Variants in NXPH1 observed in about 807,000 individuals in gnomAD.
NXPH1 encodes neurexophilin 1.
Under a neutral mutation model 23.7 loss-of-function variants are expected in NXPH1, and 5 were observed. That is an observed-to-expected ratio of 0.21 (90% CI 0.11 to 0.44). The LOEUF is 0.44. Among genes scored for constraint, NXPH1 ranks in the 20% least tolerant of loss-of-function variants. The pLI is 0.99. For synonymous variants in NXPH1, 144 were observed against 122.2 expected, an observed-to-expected ratio of 1.18 and a Z score of -1.18; for missense variants, 324 against 321.6, an observed-to-expected ratio of 1.01 and a Z score of -0.06.
intron 2 of NXPH1, among the ~76,000 whole-genome samples, chr7:8,708,354 A>G (rs1440325868): frequency 6.6e-6 from 1 of 151,680 alleles, no homozygotes; most frequent in Non-Finnish European, 1.5e-5. Context: ...TTTCTTTTTT[A>G]TTTTTTTAAA....
chr7:8,703,278 G>C (rs1040133464), intron 2 of NXPH1, among the ~76,000 whole-genome samples: 1 of 152,044 alleles, frequency 6.6e-6, no homozygotes, highest in East Asian at 1.9e-4. Flanking sequence ...TCAATACTTA[G>C]TCATGGTAGC....
At chr7:8,560,430 G>A (rs1818424376) in intron 2 of NXPH1, among the ~76,000 whole-genome samples, 1 of 151,736 alleles carries the variant, frequency 6.6e-6, no homozygotes, top group Non-Finnish European at 1.5e-5. Context: ...CAGACTGCAA[G>A]GGAGTATACT....
chr7:8,678,466 C>T (rs764106733), intron 2 of NXPH1, among the ~76,000 whole-genome samples: 2 of 152,092 alleles, frequency 1.3e-5, no homozygotes, highest in Non-Finnish European at 2.9e-5. Context: ...TTTGCATCTC[C>T]AGTGTTTTTC....
intron 2 of NXPH1, among the ~76,000 whole-genome samples, chr7:8,722,096 A>G (rs1318136956): frequency 6.6e-6 from 1 of 152,004 alleles, no homozygotes; most frequent in Non-Finnish European, 1.5e-5. Flanking sequence ...AGTACCAATG[A>G]TGTGGGTTAT....
intron 2 of NXPH1, among the ~76,000 whole-genome samples, chr7:8,683,224 A>G (rs1821086075): frequency 6.6e-6 from 1 of 152,234 alleles, no homozygotes; most frequent in African/African-American, 2.4e-5. Flanking sequence ...TCTTTTGCAT[A>G]AATGCATAGA....
chr7:8,673,292 G>A (rs1820898060), intron 2 of NXPH1, among the ~76,000 whole-genome samples: 1 of 152,092 alleles, frequency 6.6e-6, no homozygotes, highest in Non-Finnish European at 1.5e-5. Flanking sequence ...AACATAAACA[G>A]TTTCAATTAA....
At chr7:8,708,354 A>T (rs1440325868) in intron 2 of NXPH1, among the ~76,000 whole-genome samples, 1 of 151,680 alleles carries the variant, frequency 6.6e-6, no homozygotes, top group Non-Finnish European at 1.5e-5. Context: ...TTTCTTTTTT[A>T]TTTTTTTAAA....
chr7:8,617,002 A>G (rs1193671513), intron 2 of NXPH1, among the ~76,000 whole-genome samples: 1 of 152,086 alleles, frequency 6.6e-6, no homozygotes, highest in Non-Finnish European at 1.5e-5. Flanking sequence ...GTGGATAAGA[A>G]AGGAGCGGAT....
intron 2 of NXPH1, among the ~76,000 whole-genome samples, chr7:8,748,759 T>A (rs1294580729): frequency 6.6e-6 from 1 of 152,224 alleles, no homozygotes; most frequent in Non-Finnish European, 1.5e-5. Context: ...TTCAGGGTGC[T>A]GTCATGGGAT....
Position 8,442,425 on chromosome 7 carries a change from C to T in NXPH1, c.54+6658C>T, listed in dbSNP as rs1347748144. Among the ~76,000 whole-genome samples, 3 of 152,188 alleles carry T rather than the reference C, an allele frequency of 2.0e-5. No homozygotes were observed. Among genetic ancestry groups the T allele is most frequent in the Admixed American group, 6.5e-5 (1 of 15,284 alleles). ...CCCGCCGCCCTAATGGATTCTGAAG[C>T]GAAGGATCCTAGCTGCCGCGGCTAA... On this transcript the variant is annotated intron_variant, in intron 2 of 2. Coordinates refer to ENST00000405863, the MANE Select transcript of NXPH1 (RefSeq NM_152745.3). This position sits in a 1 kb window ranked among gnomAD's most constrained non-coding sequence, Gnocchi z 4.6.
At chr7:8,475,295 C>G (rs1287172757) in intron 2 of NXPH1, among the ~76,000 whole-genome samples, 1 of 151,982 alleles carries the variant, frequency 6.6e-6, no homozygotes, top group Non-Finnish European at 1.5e-5. Context: ...ATCTCAGGGA[C>G]TTTGTTTCCT....
chr7:8,604,908 T>G (rs978129686), intron 2 of NXPH1, among the ~76,000 whole-genome samples: 1 of 152,122 alleles, frequency 6.6e-6, no homozygotes, highest in Admixed American at 6.6e-5. Flanking sequence ...ATACACTGAG[T>G]ACTTCCAAAT....
chr7:8,639,926 G>A (rs1395611895), intron 2 of NXPH1, among the ~76,000 whole-genome samples: 2 of 152,126 alleles, frequency 1.3e-5, no homozygotes, highest in Non-Finnish European at 2.9e-5. Context: ...CTCAGTTTCA[G>A]GTATGTTGTT....
intron 2 of NXPH1, among the ~76,000 whole-genome samples, chr7:8,510,536 G>C (rs914777765): frequency 6.6e-5 from 10 of 152,008 alleles, no homozygotes; most frequent in African/African-American, 2.4e-4. Context: ...GGCCACAGGG[G>C]AAAGTAAAAT....
intron 2 of NXPH1, among the ~76,000 whole-genome samples, chr7:8,566,103 T>G (rs934127425): frequency 6.6e-6 from 1 of 151,794 alleles, no homozygotes; most frequent in African/African-American, 2.4e-5. Flanking sequence ...CTTATCCACT[T>G]TGCTTACCAA....
At chr7:8,497,582 T>A (rs1817358867) in intron 2 of NXPH1, among the ~76,000 whole-genome samples, 1 of 152,152 alleles carries the variant, frequency 6.6e-6, no homozygotes, top group Admixed American at 6.5e-5. Context: ...TATCTCATTG[T>A]GGTTTTGATT....
intron 2 of NXPH1, among the ~76,000 whole-genome samples, chr7:8,665,725 T>C (rs116842079): frequency 6.6e-6 from 1 of 151,974 alleles, no homozygotes; most frequent in Non-Finnish European, 1.5e-5. Context: ...ACAGATCTTT[T>C]ACCTTCTTAG....
At chr7:8,663,985 A>T (rs1820721302) in intron 2 of NXPH1, among the ~76,000 whole-genome samples, 1 of 151,930 alleles carries the variant, frequency 6.6e-6, no homozygotes, top group Admixed American at 6.6e-5. Context: ...TGTTTTGGGT[A>T]TTTCCACTCA....
At chr7:8,714,736 C>T (rs956101181) in intron 2 of NXPH1, among the ~76,000 whole-genome samples, 2 of 151,976 alleles carry the variant, frequency 1.3e-5, no homozygotes, top group Admixed American at 6.5e-5. Context: ...GAAATGTCAT[C>T]GGGTAGCAAG....
Sources: gnomAD v4.1 joint callset for allele counts (sites outside exome capture counted in the v4.1 genomes callset) on GRCh38, gnomAD v4.1.1 for gene constraint, Gnocchi (gnomAD v3.1) non-coding constraint, MANE v1.5 for transcripts, NCBI Gene and HGNC (gene_info 2026-07-23, HGNC 2026-07-21) for gene names.